CCDC63: variants seen among roughly 807,000 people sequenced by gnomAD.
CCDC63 encodes coiled-coil domain-containing protein 63.
Under a neutral mutation model 63.6 loss-of-function variants are expected in CCDC63, and 54 were observed. The ratio of observed to expected loss-of-function variants is 0.85; its 90% CI spans 0.68 to 1.07. The LOEUF is 1.07. Ranked by LOEUF, CCDC63 falls within the 50% of genes least tolerant of loss-of-function variation. The pLI is 0.00. For missense variants in CCDC63, 637 were observed against 689.6 expected (o/e 0.92, Z 0.86); for synonymous variants, 253 against 266.1 (o/e 0.95, Z 0.48).
chr12:110,857,339 C>T (rs770963550), intron 3 of CCDC63, among the ~76,000 whole-genome samples: 2 of 151,176 alleles, frequency 1.3e-5, no homozygotes, highest in Non-Finnish European at 2.9e-5. Context: ...CTTAGCCAGG[C>T]TGGTCTCGAA....
intron 4 of CCDC63, among the ~76,000 whole-genome samples, chr12:110,871,151 A>T (rs771818209): frequency 2.0e-5 from 3 of 151,596 alleles, no homozygotes; most frequent in South Asian, 2.1e-4. Flanking sequence ...TTTTATTTTT[A>T]TTTTTTTTGA....
At chr12:110,853,334 T>G in intron 2 of CCDC63, 71 bp from the exon 3 acceptor site, 1 of 1,482,708 alleles carries the variant, frequency 6.7e-7, no homozygotes, top group East Asian at 2.3e-5. Flanking sequence ...CCCTTCACTC[T>G]TAAGCCCATC....
chr12:110,852,160 G>A (rs2136639813), intron 1 of CCDC63, among the ~76,000 whole-genome samples: 1 of 152,154 alleles, frequency 6.6e-6, no homozygotes, highest in East Asian at 1.9e-4. Flanking sequence ...TAAGAATACT[G>A]ACTCCTGCTC....
intron 9 of CCDC63, among the ~76,000 whole-genome samples, chr12:110,894,134 T>C (rs2071389779): frequency 6.6e-6 from 1 of 152,176 alleles, no homozygotes; most frequent in Admixed American, 6.5e-5. Flanking sequence ...GGGCACCTCA[T>C]GGTTGCATCG....
intron 5 of CCDC63, 121 bp downstream of exon 5, chr12:110,874,082 G>C: frequency 7.7e-7 from 1 of 1,300,020 alleles, no homozygotes; most frequent in African/African-American, 1.5e-5. Context: ...TCAGGAGCAG[G>C]TGAACTAATG....
upstream of CCDC63, among the ~76,000 whole-genome samples, chr12:110,844,803 A>G (rs1468918847): frequency 6.6e-6 from 1 of 152,208 alleles, no homozygotes; most frequent in Non-Finnish European, 1.5e-5. Context: ...GGAAGAAGGA[A>G]AGGGAAACAG....
chr12:110,905,997 T>TA (rs1209606841), intron 11 of CCDC63, among the ~76,000 whole-genome samples: 1 of 66,024 alleles, frequency 1.5e-5, no homozygotes, highest in African/African-American at 6.2e-5. Context: ...ATTATTATAA[T>TA]ATATATTATA....
At chr12:110,848,250 G>A (rs1245059430) in intron 1 of CCDC63, among the ~76,000 whole-genome samples, 1 of 152,190 alleles carries the variant, frequency 6.6e-6, no homozygotes, top group Non-Finnish European at 1.5e-5. Flanking sequence ...GAAACACTGT[G>A]GAACAGAACT....
chr12:110,898,319 A>G (rs996858353), intron 9 of CCDC63, among the ~76,000 whole-genome samples: 1 of 147,666 alleles, frequency 6.8e-6, no homozygotes, highest in Non-Finnish European at 1.5e-5. Context: ...TAAAGAGTCA[A>G]CAGCTTTTAA....
intron 2 of CCDC63, 107 bp downstream of exon 2, chr12:110,853,070 C>A: frequency 8.1e-7 from 1 of 1,236,698 alleles, no homozygotes; most frequent in Non-Finnish European, 1.2e-6. Flanking sequence ...GATCTGTGCT[C>A]ACCCATTTTG....
intron 4 of CCDC63, among the ~76,000 whole-genome samples, chr12:110,861,675 G>A (rs1054979890): frequency 3.3e-5 from 5 of 151,528 alleles, no homozygotes; most frequent in African/African-American, 1.2e-4. Context: ...GGGTTCAAGC[G>A]ATTCTCCTGC....
chr12:110,899,183 C>G, intron 10 of CCDC63, 58 bp downstream of exon 10: 1 of 1,493,648 alleles, frequency 6.7e-7, no homozygotes, highest in Non-Finnish European at 9.1e-7. Context: ...CTTTCTGTGA[C>G]TGAGCATAAG....
chr12:110,867,114 G>C (rs575458630), intron 4 of CCDC63, among the ~76,000 whole-genome samples: 1 of 140,990 alleles, frequency 7.1e-6, no homozygotes, highest in Non-Finnish European at 1.6e-5. Context: ...GCGGCTGGCC[G>C]GGCAGGGGGG....
chr12:110,890,650 CA>C (rs1185774338), intron 8 of CCDC63, among the ~76,000 whole-genome samples: 1 of 152,086 alleles, frequency 6.6e-6, no homozygotes, highest in Non-Finnish European at 1.5e-5. Context: ...CACACACGCC[CA>C]TTTACAAGCC....
intron 8 of CCDC63, 36 bp from the exon 9 acceptor site, chr12:110,893,040 C>T (rs1240169611): frequency 3.2e-6 from 5 of 1,573,766 alleles, no homozygotes; most frequent in Non-Finnish European, 4.4e-6. Flanking sequence ...AGGGAAGAGC[C>T]CACTTTTCCT....
At chr12:110,884,338 G>T in intron 8 of CCDC63, 88 bp downstream of exon 8, 1 of 1,022,574 alleles carries the variant, frequency 9.8e-7, no homozygotes, top group Non-Finnish European at 1.5e-6. Context: ...CTCTGTGAGA[G>T]GCACTACAGA....
chr12:110,877,524 A>G (rs1333676547), intron 5 of CCDC63, among the ~76,000 whole-genome samples: 1 of 149,292 alleles, frequency 6.7e-6, no homozygotes, highest in Non-Finnish European at 1.5e-5. Flanking sequence ...AGCCCCAAAT[A>G]CAGTACAATT....
At chr12:110,890,780 T>C (rs1015939440) in intron 8 of CCDC63, among the ~76,000 whole-genome samples, 6 of 145,308 alleles carry the variant, frequency 4.1e-5, no homozygotes, top group South Asian at 2.2e-4. Flanking sequence ...TTTCTTTTTT[T>C]TTTTTTTTTT....
At chr12:110,897,884 C>G (rs773664199) in intron 9 of CCDC63, among the ~76,000 whole-genome samples, 1 of 151,936 alleles carries the variant, frequency 6.6e-6, no homozygotes, top group African/African-American at 2.4e-5. Flanking sequence ...GCACATGCCA[C>G]CATGCCCAAC....
Sources: gnomAD v4.1 joint callset for allele counts (sites outside exome capture counted in the v4.1 genomes callset) on GRCh38, gnomAD v4.1.1 for gene constraint, MANE v1.5 for transcripts, NCBI Gene and HGNC (gene_info 2026-07-23, HGNC 2026-07-21) for gene names.